The following MAML3 variants were observed in gnomAD, a reference collection of about 807,000 sequenced individuals.
MAML3 encodes mastermind like transcriptional coactivator 3, also known as mastermind-like protein 3.
In MAML3, 27 loss-of-function variants were observed where a neutral mutation model predicts 101.9. That is an observed-to-expected ratio of 0.27 (90% CI 0.20 to 0.37). The LOEUF is 0.37. Among genes scored for constraint, MAML3 ranks in the 10% least tolerant of loss-of-function variants. The pLI is 1.00. For synonymous variants in MAML3, 501 were observed against 555.9 expected (o/e 0.90, Z 1.39); for missense variants, 1,316 against 1,444.9 (o/e 0.91, Z 1.45).
At chr4:139,818,666 A>G (rs1168859672) in intron 2 of MAML3, among the ~76,000 whole-genome samples, 1 of 152,206 alleles carries the variant, frequency 6.6e-6, no homozygotes, top group Admixed American at 6.5e-5. Context: ...AGTTGTTACA[A>G]AAGACACTAG....
chr4:140,060,812 C>A (rs10519522), intron 1 of MAML3, among the ~76,000 whole-genome samples: 1 of 151,954 alleles, frequency 6.6e-6, no homozygotes, highest in Non-Finnish European at 1.5e-5. Flanking sequence ...AATGTTTGAC[C>A]TATTCCTAAT....
chr4:139,777,842 T>G (rs1192682192), intron 2 of MAML3, among the ~76,000 whole-genome samples: 5 of 152,216 alleles, frequency 3.3e-5, no homozygotes, highest in African/African-American at 1.2e-4. Context: ...ACCCTTATCT[T>G]ACCCACCCTT....
intron 1 of MAML3, among the ~76,000 whole-genome samples, chr4:139,899,518 G>T (rs184453919): frequency 6.6e-6 from 1 of 151,830 alleles, no homozygotes; most frequent in East Asian, 1.9e-4. Context: ...TCTGCGTGTC[G>T]GGCTCTGCGC....
intron 1 of MAML3, among the ~76,000 whole-genome samples, chr4:139,992,795 G>A (rs764376240): frequency 3.9e-5 from 6 of 152,108 alleles, no homozygotes; most frequent in Non-Finnish European, 8.8e-5. Flanking sequence ...TTGACCTTGT[G>A]ATCTCCCCAC....
chr4:139,781,934 A>T (rs952703499), intron 2 of MAML3, among the ~76,000 whole-genome samples: 1 of 152,174 alleles, frequency 6.6e-6, no homozygotes, highest in South Asian at 2.1e-4. Flanking sequence ...TATGAGTGTC[A>T]GTTTGGTCCA....
intron 1 of MAML3, among the ~76,000 whole-genome samples, chr4:139,991,218 A>C (rs904430595): frequency 6.6e-6 from 1 of 152,200 alleles, no homozygotes; most frequent in African/African-American, 2.4e-5. Flanking sequence ...AGATCAGTGG[A>C]ACAGAACAGA....
intron 1 of MAML3, among the ~76,000 whole-genome samples, chr4:139,921,829 A>C (rs1733136768): frequency 6.6e-6 from 1 of 152,178 alleles, no homozygotes; most frequent in Non-Finnish European, 1.5e-5. Context: ...ATGCTTGTTT[A>C]AACACTGGAG....
intron 2 of MAML3, among the ~76,000 whole-genome samples, chr4:139,877,912 T>C (rs891937944): frequency 3.5e-4 from 54 of 152,334 alleles, no homozygotes; most frequent in African/African-American, 1.2e-3. Flanking sequence ...CTTATGATCA[T>C]AAATATTTGA....
intron 1 of MAML3, among the ~76,000 whole-genome samples, chr4:139,902,951 A>C (rs1003622204): frequency 2.6e-5 from 4 of 152,112 alleles, no homozygotes; most frequent in African/African-American, 7.2e-5. Flanking sequence ...AGACAACAAG[A>C]CTTCATCGTG....
intron 2 of MAML3, among the ~76,000 whole-genome samples, chr4:139,822,526 G>T (rs941612199): frequency 6.6e-6 from 1 of 152,164 alleles, no homozygotes; most frequent in Non-Finnish European, 1.5e-5. Context: ...AGACATACCA[G>T]CAGGGCTTTT....
At chr4:140,020,696 A>G (rs749711104) in intron 1 of MAML3, among the ~76,000 whole-genome samples, 1 of 152,184 alleles carries the variant, frequency 6.6e-6, no homozygotes, top group Non-Finnish European at 1.5e-5. Flanking sequence ...TTTCTTGAGC[A>G]CAAAGAAGGG....
intron 2 of MAML3, among the ~76,000 whole-genome samples, chr4:139,877,071 A>C (rs570401606): frequency 1.3e-5 from 2 of 152,340 alleles, no homozygotes; most frequent in East Asian, 3.9e-4. Flanking sequence ...GATATTAATA[A>C]ATGGGAGTTA....
chr4:140,067,011 C>T (rs919694956), intron 1 of MAML3, among the ~76,000 whole-genome samples: 5 of 152,142 alleles, frequency 3.3e-5, no homozygotes, highest in Non-Finnish European at 7.4e-5. Context: ...ATGACTTCTA[C>T]GAGCAACCGC....
chr4:140,023,428 A>G (rs1644123612), intron 1 of MAML3, among the ~76,000 whole-genome samples: 1 of 152,204 alleles, frequency 6.6e-6, no homozygotes, highest in Admixed American at 6.5e-5. Flanking sequence ...AGCCCACCTC[A>G]GAAGCGACTT....
intron 1 of MAML3, among the ~76,000 whole-genome samples, chr4:140,098,554 C>T (rs1219143543): frequency 6.6e-6 from 1 of 152,248 alleles, no homozygotes; most frequent in African/African-American, 2.4e-5. Context: ...ATCACCAGGA[C>T]TTCTCAGGGG....
At chr4:140,008,761 C>T (rs1578640642) in intron 1 of MAML3, among the ~76,000 whole-genome samples, 1 of 152,242 alleles carries the variant, frequency 6.6e-6, no homozygotes, top group East Asian at 1.9e-4. Context: ...AACCTTTATA[C>T]ACGCGCACAC....
At chr4:139,827,665 T>G (rs1490415125) in intron 2 of MAML3, among the ~76,000 whole-genome samples, 1 of 152,258 alleles carries the variant, frequency 6.6e-6, no homozygotes, top group African/African-American at 2.4e-5. Flanking sequence ...TCTAATACTA[T>G]ACTACTCATT....
At chr4:140,082,402 T>G (rs1180453707) in intron 1 of MAML3, among the ~76,000 whole-genome samples, 4 of 152,228 alleles carry the variant, frequency 2.6e-5, no homozygotes, top group Admixed American at 6.5e-5. Context: ...CGACTGCCTC[T>G]GAGAGGAAGG....
intron 2 of MAML3, among the ~76,000 whole-genome samples, chr4:139,883,962 A>ATGGGCAGGAG (rs1732275275): frequency 7.3e-6 from 1 of 137,516 alleles, no homozygotes; most frequent in South Asian, 2.4e-4. Flanking sequence ...AGTCACTGAA[A>ATGGGCAGGAG]CCCCTGCCTC....
Sources: allele counts gnomAD v4.1 joint callset (sites outside exome capture counted in the v4.1 genomes callset), GRCh38; gene constraint gnomAD v4.1.1; transcripts MANE v1.5; gene names NCBI Gene and HGNC (gene_info 2026-07-23, HGNC 2026-07-21).